Variants in CCT7 observed in about 807,000 individuals in gnomAD.
CCT7 encodes the protein chaperonin containing TCP1 subunit 7.
In CCT7, 16 loss-of-function variants were observed where a neutral mutation model predicts 56.6. That is an observed-to-expected ratio of 0.28 (90% CI 0.19 to 0.43). The LOEUF (loss-of-function observed/expected upper bound fraction) is 0.43, where lower values mean the gene tolerates loss of function less well. Among genes scored for constraint, CCT7 ranks in the 20% least tolerant of loss-of-function variants. CCT7 has a pLI of 1.00. For missense variants in CCT7, 519 were observed against 685.6 expected (o/e 0.76, Z 2.71); for synonymous variants, 262 against 254.8 (o/e 1.03, Z -0.27).
intron 7 of CCT7, among the ~76,000 whole-genome samples, chr2:73,248,138 G>A (rs574150597): frequency 2.0e-5 from 3 of 152,134 alleles, no homozygotes; most frequent in Non-Finnish European, 2.9e-5. Flanking sequence ...GTTGAAATAC[G>A]CTGTGGTCCT....
chr2:73,234,341 A>G lies in CCT7; in HGVS notation c.-38A>G, dbSNP rs1403971172. 3 of 1,613,650 alleles carry G rather than the reference A, an allele frequency of 1.9e-6. No individual in the cohort carries two copies. Among genetic ancestry groups the G allele is most frequent in the South Asian group, 2.2e-5 (2 of 91,078 alleles). On this transcript the variant is annotated 5_prime_UTR_variant, in exon 1 of 12. Coordinates refer to ENST00000258091, the MANE Select transcript of CCT7 (RefSeq NM_006429.4). ...TTGCTGGGCGGCCCGGTCTCGGAGA[A>G]GAGGGGAGAGTGGCGGGCCGCTGAA... is the stretch of plus-strand genomic sequence containing the variant.
At chr2:73,243,587 AT>A (rs1687206404) in intron 4 of CCT7, among the ~76,000 whole-genome samples, 1 of 152,216 alleles carries the variant, frequency 6.6e-6, no homozygotes, top group Admixed American at 6.5e-5. Flanking sequence ...TTGGAAAAAA[AT>A]AAAAAGTTTA....
At chr2:73,245,912 G>A (rs1687312641) in intron 6 of CCT7, among the ~76,000 whole-genome samples, 1 of 152,110 alleles carries the variant, frequency 6.6e-6, no homozygotes, top group South Asian at 2.1e-4. Context: ...CACTGCTTTA[G>A]TAGCGATTTT....
At chr2:73,237,267 GT>G (rs1442285904) in intron 1 of CCT7, among the ~76,000 whole-genome samples, 15 of 152,348 alleles carry the variant, frequency 9.8e-5, no homozygotes, top group Admixed American at 9.8e-4. Context: ...TGAGAAAGTG[GT>G]TTTGGTAGAA....
At chr2:73,241,558 C>G (rs939355591) in intron 3 of CCT7, among the ~76,000 whole-genome samples, 2 of 152,096 alleles carry the variant, frequency 1.3e-5, no homozygotes, top group Non-Finnish European at 2.9e-5. Context: ...TGAGATCAGC[C>G]TGGGCAATAC....
At chr2:73,246,408 T>G (rs1435483960) in intron 6 of CCT7, among the ~76,000 whole-genome samples, 1 of 152,244 alleles carries the variant, frequency 6.6e-6, no homozygotes, top group Non-Finnish European at 1.5e-5. Context: ...CAATTACCAT[T>G]GTTCCATTTT....
chr2:73,248,030 C>T (rs931531635), intron 7 of CCT7, 104 bp downstream of exon 7: 2 of 984,922 alleles, frequency 2.0e-6, no homozygotes, highest in African/African-American at 3.3e-5. Flanking sequence ...TTCCTGCCCC[C>T]CTGAATATTG....
Position 73,249,645 on chromosome 2 carries a change from G to GT in CCT7, c.973-164dup, listed in dbSNP as rs139858711. Reference sequence around the variant, plus strand: ...CTTTGATGTGTTTTAGTTCTATTTTGTTTTTTTTTTGCTCTTTCAGAGAGG... The same window carrying GT: ...CTTTGATGTGTTTTAGTTCTATTTTGTTTTTTTTTTTGCTCTTTCAGAGAGG... On this transcript the variant is annotated intron_variant, in intron 8 of 11. Coordinates refer to ENST00000258091, the MANE Select transcript of CCT7 (RefSeq NM_006429.4). Among the ~76,000 whole-genome samples, 467 of 147,466 alleles carry GT rather than the reference G, an allele frequency of 3.2e-3. 1 individual carries two copies. The highest frequency in any genetic ancestry group is 0.016 in the South Asian group (71 of 4,580).
chr2:73,244,442 G>A, intron 5 of CCT7, 102 bp from the exon 6 acceptor site: 3 of 1,004,298 alleles, frequency 3.0e-6, no homozygotes, highest in Non-Finnish European at 4.3e-6. Flanking sequence ...GGAGAGGGCT[G>A]AGTTTAGAGA....
intron 4 of CCT7, among the ~76,000 whole-genome samples, chr2:73,243,507 A>G (rs1687203519): frequency 6.6e-6 from 1 of 152,124 alleles, no homozygotes; most frequent in Non-Finnish European, 1.5e-5. Flanking sequence ...TAATCTTTCT[A>G]GGCCTTACTT....
At chr2:73,246,913 T>C (rs1687365769) in intron 6 of CCT7, among the ~76,000 whole-genome samples, 1 of 152,238 alleles carries the variant, frequency 6.6e-6, no homozygotes, top group Middle Eastern at 3.2e-3. Flanking sequence ...ATTAGAATTG[T>C]AGATGAGCAC....
chr2:73,240,080 C>G (rs1056499973), intron 2 of CCT7: 3 of 365,884 alleles, frequency 8.2e-6, no homozygotes, highest in African/African-American at 6.2e-5. Context: ...CCATTGTTAT[C>G]AAGATGAGAA....
rs1324097468 is a variant in CCT7 at position 73,249,087 on chromosome 2, C to T, written c.880C>T (p.Pro294Ser). Residue 294 changes from proline (P) to serine (S), a missense_variant, in exon 8 of 12, where the codon CCC (proline) becomes TCC (serine). Pro to Ser is a moderately conservative substitution (Grantham distance 74). Transcript: ENST00000258091. ...AGCCAAAGTTGTCTTGTCCAAACTCCCCATTGGGGATGTGGCCACCCAGTA... is the reference window on the plus strand; with the variant it reads ...AGCCAAAGTTGTCTTGTCCAAACTCTCCATTGGGGATGTGGCCACCCAGTA... ...SGAKVVLSKLPIGDVATQYFA... is the reference protein window; with the variant it reads ...SGAKVVLSKLSIGDVATQYFA... 1 of 1,614,034 alleles carries T rather than the reference C, an allele frequency of 6.2e-7. No homozygotes were observed. The highest frequency in any genetic ancestry group is 8.5e-7 in the Non-Finnish European group (1 of 1,180,024).
intron 6 of CCT7, 128 bp from the exon 7 acceptor site, chr2:73,247,634 C>T: frequency 1.5e-6 from 1 of 660,086 alleles, no homozygotes; most frequent in Non-Finnish European, 2.5e-6. Flanking sequence ...GGCTGTGTTA[C>T]AGCAGTGAAA....
intron 1 of CCT7, among the ~76,000 whole-genome samples, chr2:73,235,290 T>G (rs572436502): frequency 6.6e-6 from 1 of 152,196 alleles, no homozygotes; most frequent in Non-Finnish European, 1.5e-5. Flanking sequence ...TGGGTTGTTA[T>G]TGAGTAGGGC....
At chr2:73,241,902 G>A (rs1431598270) in intron 3 of CCT7, among the ~76,000 whole-genome samples, 1 of 151,588 alleles carries the variant, frequency 6.6e-6, no homozygotes, top group African/African-American at 2.4e-5. Context: ...CACCACGCCC[G>A]GGTAATTTTT....
intron 1 of CCT7, among the ~76,000 whole-genome samples, 186 bp downstream of exon 1, chr2:73,234,570 G>T (rs1057051966): frequency 2.0e-5 from 3 of 152,056 alleles, no homozygotes; most frequent in Non-Finnish European, 2.9e-5. Context: ...CGCTGGAGCC[G>T]TTGGCGAGGG....
intron 9 of CCT7, 78 bp downstream of exon 9, chr2:73,249,994 C>CT: frequency 9.9e-7 from 1 of 1,012,446 alleles, no homozygotes; most frequent in South Asian, 1.3e-5. Context: ...TGGTATACAG[C>CT]TTTTACAAAG....
At chr2:73,236,237 T>C (rs1686877949) in intron 1 of CCT7, among the ~76,000 whole-genome samples, 1 of 152,256 alleles carries the variant, frequency 6.6e-6, no homozygotes, top group Non-Finnish European at 1.5e-5. Flanking sequence ...TAATGATGCT[T>C]AGTGAAAGTT....
Sources: gnomAD v4.1 joint callset for allele counts (sites outside exome capture counted in the v4.1 genomes callset) on GRCh38, gnomAD v4.1.1 for gene constraint, MANE v1.5 for transcripts, NCBI Gene and HGNC (gene_info 2026-07-23, HGNC 2026-07-21) for gene names.